Variants in IMMP2L observed in about 807,000 individuals in gnomAD.
IMMP2L encodes the protein mitochondrial inner membrane protease subunit 2.
A neutral mutation model predicts 19.3 loss-of-function variants in IMMP2L; 18 were observed. That is an observed-to-expected ratio of 0.93 (90% CI 0.64 to 1.38). IMMP2L has a LOEUF of 1.38. Among genes scored for constraint, IMMP2L ranks in the 40% most tolerant of loss-of-function variants. The pLI is 0.00. For missense variants in IMMP2L, 233 were observed against 218.2 expected (o/e 1.07, Z -0.43); for synonymous variants, 76 against 73.0 (o/e 1.04, Z -0.21).
At chr7:111,075,416 C>T (rs535040474) in intron 3 of IMMP2L, among the ~76,000 whole-genome samples, 22 of 152,308 alleles carry the variant, frequency 1.4e-4, no homozygotes, top group Middle Eastern at 6.8e-3. Flanking sequence ...GTGTGAGCCA[C>T]TGCACCCGAC....
intron 3 of IMMP2L, among the ~76,000 whole-genome samples, chr7:111,032,903 C>A (rs980665148): frequency 1.3e-5 from 2 of 151,950 alleles, no homozygotes; most frequent in Non-Finnish European, 2.9e-5. Flanking sequence ...GCAGATCACC[C>A]GAGGTCCGGA....
intron 4 of IMMP2L, among the ~76,000 whole-genome samples, chr7:110,918,559 G>C (rs2129550204): frequency 6.6e-6 from 1 of 150,674 alleles, no homozygotes; most frequent in East Asian, 2.0e-4. Flanking sequence ...GGGTTCAAGT[G>C]ATTCTCCTGC....
chr7:111,219,896 A>C (rs1812338684), intron 3 of IMMP2L, among the ~76,000 whole-genome samples: 1 of 152,060 alleles, frequency 6.6e-6, no homozygotes, highest in African/African-American at 2.4e-5. Context: ...TAGTGATAGA[A>C]TGATTCAAGC....
At chr7:111,256,710 G>A (rs1463523017) in intron 3 of IMMP2L, among the ~76,000 whole-genome samples, 8 of 152,016 alleles carry the variant, frequency 5.3e-5, no homozygotes, top group African/African-American at 1.9e-4. Flanking sequence ...ATAAGATTGA[G>A]TACCCCAAAG....
chr7:111,460,801 T>TC (rs1840070225), intron 3 of IMMP2L, among the ~76,000 whole-genome samples: 1 of 152,044 alleles, frequency 6.6e-6, no homozygotes, highest in Non-Finnish European at 1.5e-5. Context: ...TAATTAATGG[T>TC]CAATATAAAA....
chr7:111,277,903 C>A (rs556628980), intron 3 of IMMP2L, among the ~76,000 whole-genome samples: 1 of 152,164 alleles, frequency 6.6e-6, no homozygotes, highest in East Asian at 1.9e-4. Flanking sequence ...GCTATTCAGC[C>A]ATAAAAAAGA....
intron 3 of IMMP2L, among the ~76,000 whole-genome samples, chr7:111,031,956 T>TTTTG (rs1790874272): frequency 7.5e-6 from 1 of 133,668 alleles, no homozygotes; most frequent in Non-Finnish European, 1.7e-5. Flanking sequence ...TTTTTTTTTT[T>TTTTG]GAGACAGGGT....
intron 5 of IMMP2L, among the ~76,000 whole-genome samples, chr7:110,771,553 G>A (rs1413918030): frequency 3.3e-5 from 5 of 151,992 alleles, no homozygotes; most frequent in African/African-American, 7.2e-5. Flanking sequence ...GTTCCTTATC[G>A]GAAAACAAGA....
intron 3 of IMMP2L, among the ~76,000 whole-genome samples, chr7:111,034,716 T>C (rs1428060545): frequency 2.0e-5 from 3 of 152,144 alleles, no homozygotes; most frequent in African/African-American, 7.2e-5. Flanking sequence ...TTAGAATAAA[T>C]TTATGCTGTA....
intron 3 of IMMP2L, among the ~76,000 whole-genome samples, chr7:111,154,932 A>AT (rs890746813): frequency 2.0e-5 from 3 of 151,802 alleles, no homozygotes; most frequent in Non-Finnish European, 4.4e-5. Context: ...TAATTTTTTA[A>AT]TTTTTTGTAG....
At chr7:110,787,157 T>C (rs1366280614) in intron 5 of IMMP2L, among the ~76,000 whole-genome samples, 3 of 152,022 alleles carry the variant, frequency 2.0e-5, no homozygotes, top group Non-Finnish European at 2.9e-5. Context: ...CACTGTGAAC[T>C]TAAAGAGTGT....
intron 5 of IMMP2L, among the ~76,000 whole-genome samples, chr7:110,841,032 T>G (rs1206230810): frequency 6.6e-6 from 1 of 152,072 alleles, no homozygotes; most frequent in Non-Finnish European, 1.5e-5. Context: ...TGGTGTTTAT[T>G]TAATTCAAGG....
intron 5 of IMMP2L, among the ~76,000 whole-genome samples, chr7:110,698,411 T>G (rs1452008227): frequency 2.0e-5 from 3 of 152,156 alleles, no homozygotes. Flanking sequence ...TAGCTGCCCG[T>G]GAATATATGA....
intron 3 of IMMP2L, among the ~76,000 whole-genome samples, chr7:111,078,739 T>G (rs2129576113): frequency 6.6e-6 from 1 of 152,126 alleles, no homozygotes; most frequent in Non-Finnish European, 1.5e-5. Flanking sequence ...ATTTATTTAT[T>G]TATTTATTTA....
At chr7:111,376,967 T>A (rs1171956560) in intron 3 of IMMP2L, among the ~76,000 whole-genome samples, 1 of 152,048 alleles carries the variant, frequency 6.6e-6, no homozygotes, top group African/African-American at 2.4e-5. Context: ...GTTCTAAAAT[T>A]ATTCTGATGA....
At chr7:111,485,425 C>T (rs1354619965) in intron 3 of IMMP2L, among the ~76,000 whole-genome samples, 4 of 151,362 alleles carry the variant, frequency 2.6e-5, no homozygotes, top group Non-Finnish European at 4.4e-5. Flanking sequence ...CGGTGAAACC[C>T]GTCTCTACTA....
At chr7:110,874,408 C>CA (rs930347509) in intron 5 of IMMP2L, among the ~76,000 whole-genome samples, 65 of 150,380 alleles carry the variant, frequency 4.3e-4, no homozygotes, top group African/African-American at 1.3e-3. Flanking sequence ...TTTGATGTGA[C>CA]AAAAAAAAGG....
At chr7:111,165,101 G>A (rs1349470036) in intron 3 of IMMP2L, among the ~76,000 whole-genome samples, 2 of 151,880 alleles carry the variant, frequency 1.3e-5, no homozygotes, top group African/African-American at 4.8e-5. Context: ...CGGGGCCCCT[G>A]GCAACCTCCA....
chr7:111,470,169 A>T (rs931395719), intron 3 of IMMP2L, among the ~76,000 whole-genome samples: 9 of 152,196 alleles, frequency 5.9e-5, no homozygotes, highest in East Asian at 1.9e-4. Flanking sequence ...TCAAAACCAC[A>T]ATGAGATACC....
Sources: gnomAD v4.1 joint callset for allele counts (sites outside exome capture counted in the v4.1 genomes callset) on GRCh38, gnomAD v4.1.1 for gene constraint, MANE v1.5 for transcripts, NCBI Gene and HGNC (gene_info 2026-07-23, HGNC 2026-07-21) for gene names.